The following GLI2 variants were observed in gnomAD, a reference collection of about 807,000 sequenced individuals.
GLI2 encodes the protein GLI family zinc finger 2.
A neutral mutation model predicts 78.9 loss-of-function variants in GLI2; 22 were observed. That is an observed-to-expected ratio of 0.28 (90% CI 0.20 to 0.40). The LOEUF (loss-of-function observed/expected upper bound fraction) is 0.40, where lower values mean the gene tolerates loss of function less well. GLI2 is among the 10% of genes least tolerant of loss of function. GLI2 has a pLI of 1.00. For synonymous variants in GLI2, 974 were observed against 963.7 expected (o/e 1.01, Z -0.20); for missense variants, 2,097 against 2,213.2 (o/e 0.95, Z 1.05).
At chr2:120,815,404 C>T (rs975572928) in intron 2 of GLI2, among the ~76,000 whole-genome samples, 1 of 152,108 alleles carries the variant, frequency 6.6e-6, no homozygotes, top group Non-Finnish European at 1.5e-5. Flanking sequence ...AAGTTGGGGG[C>T]GGAAGTGAGA....
intron 2 of GLI2, among the ~76,000 whole-genome samples, chr2:120,890,168 T>C (rs1015378138): frequency 1.3e-5 from 2 of 152,230 alleles, no homozygotes; most frequent in Non-Finnish European, 2.9e-5. Flanking sequence ...CCAATTTGGC[T>C]GAATCTTCGG....
chr2:120,760,187 G>A (rs1683171578), intron 1 of GLI2, among the ~76,000 whole-genome samples: 1 of 152,190 alleles, frequency 6.6e-6, no homozygotes, highest in South Asian at 2.1e-4. Flanking sequence ...CTCAGTTCCT[G>A]TCTCTGTCTG....
intron 2 of GLI2, among the ~76,000 whole-genome samples, chr2:120,836,051 G>C (rs1686595704): frequency 6.6e-6 from 1 of 152,102 alleles, no homozygotes; most frequent in Non-Finnish European, 1.5e-5. Context: ...ACTATGTCCT[G>C]GCAATTTTAA....
chr2:120,912,967 C>T (rs754147670), intron 2 of GLI2, among the ~76,000 whole-genome samples: 3 of 152,034 alleles, frequency 2.0e-5, no homozygotes, highest in Non-Finnish European at 4.4e-5. Flanking sequence ...AACCCTCCTA[C>T]GATTCTGGGA....
intron 2 of GLI2, among the ~76,000 whole-genome samples, chr2:120,828,032 A>G (rs892298291): frequency 6.6e-6 from 1 of 152,244 alleles, no homozygotes; most frequent in East Asian, 1.9e-4. Context: ...GAAATGGTAC[A>G]TTTTATGTTT....
In GLI2 at chr2:120,952,963, G is replaced by A. The variant is rs568023647; in HGVS notation, c.457+1518G>A. ...TCAACTCCCCAGCCTTGGTTCCCTC[G>A]GACAGTGACCAGGCTGGCGTTCCTT... On this transcript the variant is annotated intron_variant, in intron 4 of 13. Coordinates refer to ENST00000361492, the MANE Select transcript of GLI2 (RefSeq NM_001374353.1). 2.6e-5 allele frequency among the ~76,000 whole-genome samples: 4 copies of A among 152,312 alleles called. No individual in the cohort carries two copies. In the East Asian group the frequency reaches 5.8e-4, roughly 22 times the overall value.
At chr2:120,976,376 G>A (rs1002066465) in intron 9 of GLI2, among the ~76,000 whole-genome samples, 2 of 152,232 alleles carry the variant, frequency 1.3e-5, no homozygotes, top group Non-Finnish European at 2.9e-5. Context: ...CCCAAACACA[G>A]TTCTCACCCA....
At chr2:120,946,160 T>TTATCATAC (rs1244284508) in intron 3 of GLI2, among the ~76,000 whole-genome samples, 1 of 152,190 alleles carries the variant, frequency 6.6e-6, no homozygotes, top group African/African-American at 2.4e-5. Context: ...GCTGGAGCCC[T>TTATCATAC]TATCATACTG....
intron 6 of GLI2, 110 bp downstream of exon 6, chr2:120,969,025 C>G (rs1181326028): frequency 1.3e-6 from 1 of 772,340 alleles, no homozygotes; most frequent in Non-Finnish European, 2.2e-6. Flanking sequence ...AAAGACAGGA[C>G]CTGTGGCATT....
intron 1 of GLI2, among the ~76,000 whole-genome samples, chr2:120,779,584 G>A (rs1683779030): frequency 6.6e-6 from 1 of 152,260 alleles, no homozygotes; most frequent in Non-Finnish European, 1.5e-5. Flanking sequence ...TCCCTGCCCA[G>A]CAAGAGGATT....
At chr2:120,769,514 A>C (rs1177592364) in intron 1 of GLI2, among the ~76,000 whole-genome samples, 1 of 152,184 alleles carries the variant, frequency 6.6e-6, no homozygotes, top group South Asian at 2.1e-4. Flanking sequence ...GCTCCCAGCT[A>C]CTGGGGAGTT....
chr2:120,989,935 C>T lies in GLI2; in HGVS notation c.3970C>T (p.Pro1324Ser). Residue 1324 changes from proline to serine, a missense_variant, in exon 14 of 14, where the codon CCC becomes TCC. Transcript: ENST00000361492. ...GAGCCAGGAGGGCTACCACCAGGTCCCCAGCCTTCTGCCTGCCCGCCAGCC... is the reference window on the plus strand; with the variant it reads ...GAGCCAGGAGGGCTACCACCAGGTCTCCAGCCTTCTGCCTGCCCGCCAGCC... ...SMSQEGYHQV[P>S]SLLPARQPGF... The T allele has an allele frequency of 6.2e-7, 1 of 1,611,864 alleles. No homozygotes were observed. Among genetic ancestry groups the T allele is most frequent in the South Asian group, 1.1e-5 (1 of 90,870 alleles).
intron 1 of GLI2, among the ~76,000 whole-genome samples, chr2:120,760,632 C>T (rs1159014846): frequency 6.6e-6 from 1 of 152,192 alleles, no homozygotes; most frequent in Non-Finnish European, 1.5e-5. Context: ...CCCTGTCTGC[C>T]TGCCCGCATG....
chr2:120,905,224 G>A (rs1425952037), intron 2 of GLI2, among the ~76,000 whole-genome samples: 11 of 152,100 alleles, frequency 7.2e-5, no homozygotes, highest in African/African-American at 2.4e-4. Context: ...AGGGAGGGAG[G>A]GAGAGAAGGA....
chr2:120,877,763 C>T (rs112959538), intron 2 of GLI2, among the ~76,000 whole-genome samples: 209 of 152,208 alleles, frequency 1.4e-3, no homozygotes, highest in African/African-American at 4.4e-3. Flanking sequence ...AATATACCAA[C>T]GTTTTCTGAT....
intron 2 of GLI2, among the ~76,000 whole-genome samples, chr2:120,803,734 A>G (rs1355986397): frequency 6.6e-6 from 1 of 152,202 alleles, no homozygotes; most frequent in Non-Finnish European, 1.5e-5. Flanking sequence ...AAGCTGGCCA[A>G]GCCTTAGACT....
At chr2:120,849,112 A>G (rs901738176) in intron 2 of GLI2, among the ~76,000 whole-genome samples, 4 of 152,202 alleles carry the variant, frequency 2.6e-5, no homozygotes, top group African/African-American at 9.7e-5. Flanking sequence ...TTCTACTTAT[A>G]TGAGGCCCCT....
At chr2:120,892,498 G>T (rs1677730824) in intron 2 of GLI2, among the ~76,000 whole-genome samples, 1 of 152,198 alleles carries the variant, frequency 6.6e-6, no homozygotes, top group South Asian at 2.1e-4. Context: ...CCCGGTACCA[G>T]CTTGGATGGT....
chr2:120,883,597 C>T (rs557154795), intron 2 of GLI2, among the ~76,000 whole-genome samples: 2 of 152,152 alleles, frequency 1.3e-5, no homozygotes, highest in Non-Finnish European at 2.9e-5. Flanking sequence ...TACGCTGACC[C>T]GTTAAGTCCC....
Sources: allele counts gnomAD v4.1 joint callset (sites outside exome capture counted in the v4.1 genomes callset), GRCh38; gene constraint gnomAD v4.1.1; transcripts MANE v1.5; gene names NCBI Gene and HGNC (gene_info 2026-07-23, HGNC 2026-07-21).